The following COL4A6 variants were observed in gnomAD, a reference collection of about 807,000 sequenced individuals.
COL4A6 encodes the protein collagen alpha-6(IV) chain.
In COL4A6, 59 loss-of-function variants were observed where a neutral mutation model predicts 126.7. That is an observed-to-expected ratio of 0.47 (90% CI 0.38 to 0.58). The LOEUF (loss-of-function observed/expected upper bound fraction) is 0.58. Among genes scored for constraint, COL4A6 ranks in the 20% least tolerant of loss-of-function variants. The pLI, the probability that COL4A6 is intolerant of heterozygous loss-of-function variation, is 0.00. For missense variants in COL4A6, 1,285 were observed against 1,337.3 expected, an observed-to-expected ratio of 0.96 and a Z score of 0.61; for synonymous variants, 547 against 496.6, an observed-to-expected ratio of 1.10 and a Z score of -1.35.
chrX:108,246,424 T>C (rs887008134), intron 3 of COL4A6, among the ~76,000 whole-genome samples: 17 of 112,085 alleles, frequency 1.5e-4, no homozygotes, highest in Admixed American at 1.5e-3. Context: ...TTATAGGCTT[T>C]GTGGACAATA....
intron 2 of COL4A6, among the ~76,000 whole-genome samples, chrX:108,430,563 G>A (rs960827365): frequency 8.9e-6 from 1 of 111,781 alleles, no homozygotes; most frequent in Non-Finnish European, 1.9e-5. Flanking sequence ...GGAGTCAGGA[G>A]GTAGAAAAAC....
chrX:108,428,695 A>G (rs189089591), intron 2 of COL4A6, among the ~76,000 whole-genome samples: 87 of 111,702 alleles, frequency 7.8e-4, no homozygotes, highest in Non-Finnish European at 1.3e-3. Context: ...TTAAAAAAAA[A>G]GATTCATGGG....
chrX:108,181,110 T>A, intron 23 of COL4A6, 142 bp from the exon 24 acceptor site: 1 of 494,416 alleles, frequency 2.0e-6, no homozygotes, highest in Non-Finnish European at 3.4e-6. Flanking sequence ...CTGGAAAACC[T>A]TGGCATCATT....
At chrX:108,163,463 C>T (rs1027839581) in intron 40 of COL4A6, 2 of 122,184 alleles carry the variant, frequency 1.6e-5, no homozygotes, top group Non-Finnish European at 3.3e-5. Flanking sequence ...CCTAGGAACC[C>T]GGCGCCAGCC....
At chrX:108,433,305 T>G (rs1017081402) in intron 2 of COL4A6, among the ~76,000 whole-genome samples, 5 of 111,483 alleles carry the variant, frequency 4.5e-5, no homozygotes, top group African/African-American at 1.3e-4. Flanking sequence ...TTATCAGGTC[T>G]TCTATTTACA....
intron 3 of COL4A6, among the ~76,000 whole-genome samples, chrX:108,278,208 A>C (rs2037678343): frequency 8.9e-6 from 1 of 112,024 alleles, no homozygotes; most frequent in African/African-American, 3.3e-5. Flanking sequence ...TACAGGAGGA[A>C]ATTCAAACCA....
chrX:108,311,427 A>G (rs1261469873), intron 2 of COL4A6, among the ~76,000 whole-genome samples: 3 of 109,830 alleles, frequency 2.7e-5, no homozygotes, highest in African/African-American at 1.0e-4. Flanking sequence ...CCTCTGATTG[A>G]TCGTGATGAT....
chrX:108,332,695 T>C (rs2039331018), intron 2 of COL4A6, among the ~76,000 whole-genome samples: 1 of 111,181 alleles, frequency 9.0e-6, no homozygotes, highest in Non-Finnish European at 1.9e-5. Flanking sequence ...TTTAATAGAG[T>C]TATTTGTTAG....
At chrX:108,307,900 A>G (rs1044193902) in intron 3 of COL4A6, among the ~76,000 whole-genome samples, 3 of 111,849 alleles carry the variant, frequency 2.7e-5, no homozygotes, top group African/African-American at 6.5e-5. Flanking sequence ...ATCCACGTTC[A>G]GTTTTCTGCA....
intron 3 of COL4A6, among the ~76,000 whole-genome samples, chrX:108,290,810 T>C (rs753670692): frequency 3.7e-4 from 42 of 112,423 alleles, no homozygotes; most frequent in African/African-American, 6.8e-4. Flanking sequence ...CAGAGCTAAA[T>C]CCTTTGAACT....
At chrX:108,402,496 C>A (rs1435043285) in intron 2 of COL4A6, among the ~76,000 whole-genome samples, 1 of 110,635 alleles carries the variant, frequency 9.0e-6, no homozygotes, top group African/African-American at 3.3e-5. Context: ...TAATTAATTT[C>A]TCCTCCTAAC....
chrX:108,399,900 T>C (rs1473065126), intron 2 of COL4A6, among the ~76,000 whole-genome samples: 4 of 111,271 alleles, frequency 3.6e-5, no homozygotes, highest in African/African-American at 6.5e-5. Flanking sequence ...AAAAAGACAG[T>C]GGAGATGGCT....
Position 108,437,944 on chromosome X carries a change from C to G in COL4A6, c.61G>C (p.Ala21Pro). 2 of 1,211,242 alleles carry G rather than the reference C, an allele frequency of 1.7e-6. No homozygotes were observed. Among genetic ancestry groups the G allele is most frequent in the African/African-American group, 1.7e-5 (1 of 57,714 alleles). Reference protein sequence around the residue: ...TLCLTEELAAAGEKSYGKPCG... With the variant: ...TLCLTEELAAPGEKSYGKPCG... ...AAGGGTCGTGAGAAGAGACTCACCGCTGCTGCCAGTTCCTCGGTCAGGCAC... is the reference window on the plus strand; with the variant it reads ...AAGGGTCGTGAGAAGAGACTCACCGGTGCTGCCAGTTCCTCGGTCAGGCAC... Residue 21 changes from alanine (A) to proline (P), a missense_variant and splice_region_variant, in exon 2 of 45, where the codon GCG becomes CCG. Transcript: ENST00000334504.
chrX:108,206,255 G>A (rs1032205525), intron 9 of COL4A6: 2 of 447,685 alleles, frequency 4.5e-6, no homozygotes, highest in African/African-American at 4.8e-5. Flanking sequence ...ATGTGTCAGG[G>A]ATCTGCCATC....
intron 2 of COL4A6, among the ~76,000 whole-genome samples, chrX:108,322,678 C>T (rs1318739682): frequency 2.7e-5 from 3 of 111,953 alleles, no homozygotes; most frequent in Non-Finnish European, 3.8e-5. Context: ...CCTCTTTTTC[C>T]TCTGTTAGTA....
chrX:108,265,236 G>C (rs1019587633), intron 3 of COL4A6, among the ~76,000 whole-genome samples: 1 of 110,789 alleles, frequency 9.0e-6, no homozygotes, highest in Non-Finnish European at 1.9e-5. Flanking sequence ...AATGATCTAG[G>C]GGGGGCTTGT....
intron 2 of COL4A6, among the ~76,000 whole-genome samples, chrX:108,392,099 A>G (rs1477927417): frequency 1.8e-5 from 2 of 112,286 alleles, no homozygotes; most frequent in African/African-American, 3.2e-5. Context: ...GCTACATCAC[A>G]CAATATGTAA....
intron 2 of COL4A6, among the ~76,000 whole-genome samples, chrX:108,428,382 G>C (rs1388321425): frequency 9.0e-6 from 1 of 111,602 alleles, no homozygotes; most frequent in African/African-American, 3.3e-5. Flanking sequence ...ATTGGGAAAT[G>C]ATTTTTAAGT....
rs1384437819 is a variant in COL4A6 at position 108,171,446 on chromosome X, G to A, written c.3218C>T (p.Thr1073Ile). 3 of 1,208,099 alleles carry A rather than the reference G, an allele frequency of 2.5e-6. No individual in the cohort carries two copies. Among genetic ancestry groups the A allele is most frequent in the African/African-American group, 1.8e-5 (1 of 57,127 alleles). The stretch of plus-strand genomic sequence containing the variant: ...TCCTGGGCTACCGGAAATTTCAACT[G>A]TCTGGCCGTTGTCTCCTGAGGATTC... Reference protein sequence around the residue: ...LPGLKGDNGQTVEISGSPGPK... With the variant: ...LPGLKGDNGQIVEISGSPGPK... Residue 1073 changes from threonine to isoleucine, a missense_variant, in exon 33 of 45, where the codon ACA (threonine) becomes ATA (isoleucine). Physicochemically the swap from Thr to Ile is moderately conservative, Grantham distance 89 (BLOSUM62 -1). Transcript: ENST00000334504.
Sources: allele counts gnomAD v4.1 joint callset (sites outside exome capture counted in the v4.1 genomes callset), GRCh38; gene constraint gnomAD v4.1.1; transcripts MANE v1.5; gene names NCBI Gene and HGNC (gene_info 2026-07-23, HGNC 2026-07-21).